Variants in CORO2B observed in about 807,000 individuals in gnomAD.
CORO2B encodes the protein coronin 2B.
In CORO2B, 26 loss-of-function variants were observed where a neutral mutation model predicts 58.8. The ratio of observed to expected loss-of-function variants is 0.44; its 90% confidence interval spans 0.32 to 0.61. The LOEUF (loss-of-function observed/expected upper bound fraction) is 0.61, where lower values mean the gene tolerates loss of function less well. Ranked by LOEUF, CORO2B falls within the 20% of genes least tolerant of loss-of-function variation. The pLI, the probability that CORO2B is intolerant of heterozygous loss-of-function variation, is 0.04. For missense variants in CORO2B, 460 were observed against 645.1 expected (o/e 0.71, Z 3.11); for synonymous variants, 242 against 253.8 (o/e 0.95, Z 0.44).
chr15:68,587,729 A>G (rs1899603380), intron 1 of CORO2B, among the ~76,000 whole-genome samples: 1 of 152,216 alleles, frequency 6.6e-6, no homozygotes, highest in Non-Finnish European at 1.5e-5. Context: ...AAGCTTCATG[A>G]CAGCCTATGA....
At chr15:68,522,942 T>C in the CORO2B span, among the ~76,000 whole-genome samples, 2 of 152,226 alleles carry the variant, frequency 1.3e-5, no homozygotes, top group Admixed American at 6.5e-5. Context: ...GTGGAGACTT[T>C]GGATGATAAC....
intron 2 of CORO2B, among the ~76,000 whole-genome samples, chr15:68,650,296 G>A (rs1430865899): frequency 1.4e-5 from 2 of 144,042 alleles, no homozygotes; most frequent in Non-Finnish European, 3.0e-5. Flanking sequence ...GGCGGAGGTT[G>A]CGGTGAGCTG....
intron 1 of CORO2B, among the ~76,000 whole-genome samples, chr15:68,583,093 A>C (rs1899470059): frequency 6.6e-6 from 1 of 152,156 alleles, no homozygotes; most frequent in Non-Finnish European, 1.5e-5. Context: ...CTCTTTCTGC[A>C]GGCAGCCTTC....
At chr15:68,545,026 C>T in the CORO2B span, among the ~76,000 whole-genome samples, 3 of 152,110 alleles carry the variant, frequency 2.0e-5, no homozygotes, top group Admixed American at 6.5e-5. Flanking sequence ...CCGCCCACCT[C>T]GCCTCCCAAA....
chr15:68,621,287 G>A (rs1231086153), intron 1 of CORO2B, among the ~76,000 whole-genome samples: 3 of 152,222 alleles, frequency 2.0e-5, no homozygotes, highest in Non-Finnish European at 4.4e-5. Context: ...AGTCTGCTAG[G>A]GGAAGCAGAC....
intron 2 of CORO2B, among the ~76,000 whole-genome samples, chr15:68,668,146 A>T (rs1220056338): frequency 6.6e-6 from 1 of 152,228 alleles, no homozygotes; most frequent in Non-Finnish European, 1.5e-5. Flanking sequence ...GAACTGGAAT[A>T]AAATAGAGTG....
intron 1 of CORO2B, among the ~76,000 whole-genome samples, chr15:68,620,336 A>T (rs539288477): frequency 1.3e-5 from 2 of 152,378 alleles, no homozygotes; most frequent in South Asian, 4.1e-4. Context: ...AGAAAGAGCC[A>T]ATTTAAAGAA....
At chr15:68,585,418 C>A (rs1007668387) in intron 1 of CORO2B, among the ~76,000 whole-genome samples, 2 of 152,204 alleles carry the variant, frequency 1.3e-5, no homozygotes, top group South Asian at 4.1e-4. Flanking sequence ...CGCATGATCG[C>A]ATTTACTCTG....
At chr15:68,678,127 T>A (rs2140300328) in intron 2 of CORO2B, among the ~76,000 whole-genome samples, 1 of 152,340 alleles carries the variant, frequency 6.6e-6, no homozygotes, top group African/African-American at 2.4e-5. Flanking sequence ...AGATGACTTG[T>A]ACAGCACCCG....
Position 68,715,286 on chromosome 15 carries a change from C to T in CORO2B, c.942C>T (p.Arg314=). 2 of 1,614,046 alleles carry T rather than the reference C, an allele frequency of 1.2e-6. No homozygotes were observed. Among genetic ancestry groups the T allele is most frequent in the Non-Finnish European group, 1.7e-6 (2 of 1,179,976 alleles). The change falls in exon 8 of 12, where the codon CGC becomes CGT. Residue 314 remains arginine (R), a synonymous_variant. Transcript: ENST00000261861. ...KPYLSYLMEF[R]SPAPQKGLGV... The stretch of plus-strand genomic sequence containing the variant: ...ACCTGAGTTACCTCATGGAGTTCCG[C>T]TCCCCAGCCCCGCAGAAAGGCCTAG...
At chr15:68,669,187 G>GAAGCAAGCAAGC (rs71455600) in intron 2 of CORO2B, among the ~76,000 whole-genome samples, 1 of 151,536 alleles carries the variant, frequency 6.6e-6, no homozygotes, top group African/African-American at 2.4e-5. Context: ...AGAAAGAAAG[G>GAAGCAAGCAAGC]AAGCAAGCAA....
chr15:68,557,867 C>T, the CORO2B span, among the ~76,000 whole-genome samples: 5 of 152,188 alleles, frequency 3.3e-5, no homozygotes, highest in Non-Finnish European at 7.3e-5. Context: ...AAATGACAGG[C>T]ATGAGAGTTG....
At chr15:68,579,335 A>C in intron 1 of CORO2B, 58 bp downstream of exon 1, 1 of 1,232,296 alleles carries the variant, frequency 8.1e-7, no homozygotes, top group Non-Finnish European at 1.0e-6. Context: ...CCCCCGGGCT[A>C]GGCTGCGGGG....
At chr15:68,681,510 A>G (rs980223713) in intron 2 of CORO2B, among the ~76,000 whole-genome samples, 2 of 152,198 alleles carry the variant, frequency 1.3e-5, no homozygotes, top group Non-Finnish European at 1.5e-5. Flanking sequence ...AAAGGTGGTC[A>G]TCCAAATATT....
At chr15:68,566,610 A>G in the CORO2B span, among the ~76,000 whole-genome samples, 4 of 152,046 alleles carry the variant, frequency 2.6e-5, no homozygotes, top group East Asian at 7.8e-4. Flanking sequence ...GCCTGTCCCC[A>G]CACCCCTCAC....
At chr15:68,683,152 C>G (rs1244114327) in intron 2 of CORO2B, among the ~76,000 whole-genome samples, 3 of 152,180 alleles carry the variant, frequency 2.0e-5, no homozygotes, top group African/African-American at 7.2e-5. Context: ...GAGCTCCACC[C>G]GCCCAGGGTC....
chr15:68,588,899 A>C (rs1899634063), intron 1 of CORO2B, among the ~76,000 whole-genome samples: 1 of 152,156 alleles, frequency 6.6e-6, no homozygotes, highest in African/African-American at 2.4e-5. Flanking sequence ...CAGGTGAAAG[A>C]CCAGCTTGCA....
the CORO2B span, among the ~76,000 whole-genome samples, chr15:68,557,085 A>C: frequency 6.6e-6 from 1 of 152,186 alleles, no homozygotes; most frequent in Non-Finnish European, 1.5e-5. Flanking sequence ...TTGGCCATAA[A>C]TGTCCCCTCG....
intron 2 of CORO2B, among the ~76,000 whole-genome samples, chr15:68,657,600 A>G (rs1180550256): frequency 6.6e-6 from 1 of 151,948 alleles, no homozygotes; most frequent in African/African-American, 2.4e-5. Context: ...CTATCAATGC[A>G]TTACGCCCCA....
Sources: allele counts gnomAD v4.1 joint callset (sites outside exome capture counted in the v4.1 genomes callset), GRCh38; gene constraint gnomAD v4.1.1; transcripts MANE v1.5; gene names NCBI Gene and HGNC (gene_info 2026-07-23, HGNC 2026-07-21).